JAZF1: variants seen among roughly 807,000 people sequenced by gnomAD.
JAZF1 encodes the protein juxtaposed with another zinc finger protein 1.
JAZF1 carries 8 observed loss-of-function variants against 26.4 expected under a neutral mutation model. The ratio of observed to expected loss-of-function variants is 0.30; its 90% CI spans 0.18 to 0.55. The LOEUF is 0.55. Ranked by LOEUF, JAZF1 falls within the 20% of genes least tolerant of loss-of-function variation. JAZF1 has a pLI of 0.94. For missense variants in JAZF1, 199 were observed against 322.0 expected (o/e 0.62, Z 2.92); for synonymous variants, 126 against 122.3 (o/e 1.03, Z -0.20).
At chr7:27,856,223 G>A (rs1783247778) in intron 3 of JAZF1, among the ~76,000 whole-genome samples, 1 of 152,210 alleles carries the variant, frequency 6.6e-6, no homozygotes, top group African/African-American at 2.4e-5. Flanking sequence ...TGGCTCAGGA[G>A]TGAAGCTGCA....
chr7:28,017,103 C>T (rs1332123325), intron 1 of JAZF1, among the ~76,000 whole-genome samples: 1 of 152,140 alleles, frequency 6.6e-6, no homozygotes, highest in Non-Finnish European at 1.5e-5. Context: ...ATAATTCCAG[C>T]ACTTTGGGAG....
intron 1 of JAZF1, among the ~76,000 whole-genome samples, chr7:28,087,300 G>A (rs768978488): frequency 6.6e-6 from 1 of 151,670 alleles, no homozygotes; most frequent in Non-Finnish European, 1.5e-5. Flanking sequence ...AATCAATCTT[G>A]GAAGGGCCCC....
intron 1 of JAZF1, among the ~76,000 whole-genome samples, chr7:28,024,916 G>T (rs920185820): frequency 6.6e-6 from 1 of 152,162 alleles, no homozygotes; most frequent in African/African-American, 2.4e-5. Flanking sequence ...ACTTTCTAAA[G>T]CACCATGACC....
intron 3 of JAZF1, among the ~76,000 whole-genome samples, chr7:27,872,469 GTGC>G (rs1209879359): frequency 1.3e-5 from 2 of 152,188 alleles, no homozygotes; most frequent in Admixed American, 1.3e-4. Context: ...TCCTTCCCCT[GTGC>G]TCTGTGGCAA....
chr7:28,108,596 T>G (rs1351694477), intron 1 of JAZF1, among the ~76,000 whole-genome samples: 1 of 152,200 alleles, frequency 6.6e-6, no homozygotes, highest in Non-Finnish European at 1.5e-5. Flanking sequence ...TGTGCACTGT[T>G]GGCAGGAATG....
At chr7:28,141,726 G>T (rs994117226) in intron 1 of JAZF1, among the ~76,000 whole-genome samples, 7 of 152,184 alleles carry the variant, frequency 4.6e-5, no homozygotes, top group African/African-American at 1.7e-4. Context: ...GTGCTTGACA[G>T]ATACTTTACA....
chr7:28,023,033 G>A (rs554705227), intron 1 of JAZF1, among the ~76,000 whole-genome samples: 1 of 152,276 alleles, frequency 6.6e-6, no homozygotes, highest in East Asian at 1.9e-4. Flanking sequence ...GAGGATACAA[G>A]ACAAACACAC....
At chr7:28,175,041 C>T (rs1783528765) in intron 1 of JAZF1, among the ~76,000 whole-genome samples, 1 of 66,980 alleles carries the variant, frequency 1.5e-5, no homozygotes, top group South Asian at 3.6e-4. Flanking sequence ...CAATGGAATG[C>T]ACCCACAGGC....
chr7:27,955,572 T>C (rs1046151630), intron 2 of JAZF1, among the ~76,000 whole-genome samples: 7 of 152,188 alleles, frequency 4.6e-5, no homozygotes, highest in African/African-American at 1.7e-4. Flanking sequence ...AACAAATCGT[T>C]GTTTCGTGAA....
At chr7:27,923,870 C>A (rs1287300109) in intron 2 of JAZF1, among the ~76,000 whole-genome samples, 1 of 152,292 alleles carries the variant, frequency 6.6e-6, no homozygotes, top group African/African-American at 2.4e-5. Context: ...AAATGCAACC[C>A]ATCTGGCAGG....
chr7:28,049,265 G>T (rs1783552379), intron 1 of JAZF1, among the ~76,000 whole-genome samples: 1 of 151,582 alleles, frequency 6.6e-6, no homozygotes, highest in Non-Finnish European at 1.5e-5. Flanking sequence ...TGTATTTTTA[G>T]TAGAGACAGG....
At chr7:27,891,357 C>A (rs1296852715) in intron 3 of JAZF1, among the ~76,000 whole-genome samples, 1 of 152,100 alleles carries the variant, frequency 6.6e-6, no homozygotes, top group Non-Finnish European at 1.5e-5. Flanking sequence ...AACAGAGACC[C>A]TGTGGCCTGC....
At chr7:27,920,017 T>G (rs547839835) in intron 2 of JAZF1, among the ~76,000 whole-genome samples, 1 of 152,306 alleles carries the variant, frequency 6.6e-6, no homozygotes, top group South Asian at 2.1e-4. Context: ...CAGGAGTGAA[T>G]GCCTTAAGGG....
intron 3 of JAZF1, among the ~76,000 whole-genome samples, chr7:27,884,365 A>T (rs147160262): frequency 2.0e-5 from 3 of 152,340 alleles, no homozygotes; most frequent in African/African-American, 7.2e-5. Flanking sequence ...CCTGGGCTCG[A>T]CTAATTCTCC....
intron 1 of JAZF1, among the ~76,000 whole-genome samples, chr7:28,012,114 TTCA>T (rs1317656611): frequency 1.3e-5 from 2 of 152,238 alleles, no homozygotes; most frequent in Admixed American, 1.3e-4. Context: ...TGAAGCATTT[TTCA>T]TTTAGAGTAA....
chr7:27,923,622 T>G (rs1217663025), intron 2 of JAZF1, among the ~76,000 whole-genome samples: 1 of 152,206 alleles, frequency 6.6e-6, no homozygotes, highest in Admixed American at 6.5e-5. Context: ...CGCCAACATT[T>G]ACAGTCATTC....
At chr7:28,049,445 G>T (rs1403010462) in intron 1 of JAZF1, among the ~76,000 whole-genome samples, 1 of 151,986 alleles carries the variant, frequency 6.6e-6, no homozygotes, top group South Asian at 2.1e-4. Flanking sequence ...AGATGTGTGG[G>T]GTTTTCTCCC....
rs183266625 is a variant in JAZF1 at position 27,988,542 on chromosome 7, A to C, written c.188+3367T>G. 1.0e-3 allele frequency among the ~76,000 whole-genome samples: 158 copies of C among 152,194 alleles called. 1 individual carries two copies. The highest frequency in any genetic ancestry group is 3.6e-3 in the African/African-American group (150 of 41,512). ...AGGTGTACACTACCAAACCTGGCCA[A>C]AACTTTTAAATGTATCACCAAATTG... On this transcript the variant is annotated intron_variant, in intron 2 of 4. Transcript: ENST00000283928.
intron 1 of JAZF1, among the ~76,000 whole-genome samples, chr7:28,168,808 C>G (rs1203199337): frequency 2.0e-5 from 3 of 152,208 alleles, no homozygotes; most frequent in Admixed American, 1.3e-4. Context: ...AAGTTTGATT[C>G]CTTTTTGAAA....
Sources: allele counts gnomAD v4.1 joint callset (sites outside exome capture counted in the v4.1 genomes callset), GRCh38; gene constraint gnomAD v4.1.1; transcripts MANE v1.5; gene names NCBI Gene and HGNC (gene_info 2026-07-23, HGNC 2026-07-21).